The following MYBPH variants were observed in gnomAD, a reference collection of about 807,000 sequenced individuals.
MYBPH encodes myosin-binding protein H.
A neutral mutation model predicts 53.6 loss-of-function variants in MYBPH; 49 were observed. The ratio of observed to expected loss-of-function variants is 0.91; its 90% CI spans 0.73 to 1.16. The LOEUF (loss-of-function observed/expected upper bound fraction) is 1.16, where lower values mean the gene tolerates loss of function less well. Ranked by LOEUF, MYBPH falls within the 50% of genes most tolerant of loss-of-function variation. The probability of loss-of-function intolerance (pLI) is 0.00; values close to 1 mark genes in which losing one functional copy is unlikely to be tolerated. For synonymous variants in MYBPH, 239 were observed against 249.6 expected, an observed-to-expected ratio of 0.96 and a Z score of 0.40; for missense variants, 558 against 624.1, an observed-to-expected ratio of 0.89 and a Z score of 1.13.
At chr1:203,173,905 C>G (rs777801503) in intron 3 of MYBPH, among the ~76,000 whole-genome samples, 3 of 152,244 alleles carry the variant, frequency 2.0e-5, no homozygotes, top group Non-Finnish European at 4.4e-5. Flanking sequence ...AGCTGGCCTG[C>G]GGGGCCCCAG....
chr1:203,169,487 G>A lies in MYBPH; in HGVS notation c.1094-98C>T, dbSNP rs1655655550. The A allele has an allele frequency of 5.4e-6, 8 of 1,493,032 alleles. No homozygotes were observed. The East Asian group carries it at 9.9e-5, about 18-fold the overall frequency. The allele number at this position is 1,493,032 out of a possible 1,614,324, so 92.5% of individuals were successfully genotyped here. ...ATTCAAGATCTATGGATAGCAAGTC[G>A]TGGCTTATTTGCAGGAACTTGGACA... On this transcript the variant is annotated intron_variant, in intron 7 of 10. Transcript: ENST00000255416.
Position 203,171,486 on chromosome 1 carries a change from G to A in MYBPH, c.690C>T (p.Ile230=), listed in dbSNP as rs1258594939. The A allele has an allele frequency of 6.2e-7, 1 of 1,613,948 alleles. No individual in the cohort carries two copies. Among genetic ancestry groups the A allele is most frequent in the Non-Finnish European group, 8.5e-7 (1 of 1,180,028 alleles). ...VSMRTGDQDS[I]LFIRSAQRSD... ...AGCGCTGGGCCGAGCGAATGAAGAG[G>A]ATGGAGTCCTGGTCCCCGGTGCGCA... The change falls in exon 5 of 11, where the codon ATC becomes ATT. Residue 230 remains isoleucine, a synonymous_variant. Transcript: ENST00000255416. This position sits in a 1 kb window ranked among gnomAD's most constrained non-coding sequence, Gnocchi z 4.2.
intron 6 of MYBPH, 41 bp from the exon 7 acceptor site, chr1:203,170,491 C>T (rs1240972333): frequency 3.8e-6 from 6 of 1,598,636 alleles, no homozygotes; most frequent in African/African-American, 1.3e-5. Context: ...TCACCCCTGT[C>T]CTCACCCTCC....
chr1:203,177,815 G>A (rs749773264), upstream of MYBPH, among the ~76,000 whole-genome samples: 2 of 152,240 alleles, frequency 1.3e-5, no homozygotes, highest in Non-Finnish European at 2.9e-5. Flanking sequence ...GGCAGTGGCA[G>A]GGATTAGGGA....
At chr1:203,174,800 A>G (rs1159620479) in intron 2 of MYBPH, among the ~76,000 whole-genome samples, 1 of 152,096 alleles carries the variant, frequency 6.6e-6, no homozygotes, top group Non-Finnish European at 1.5e-5. Flanking sequence ...GCTAGAGATG[A>G]GGTTGTTGAA....
At chr1:203,177,157 G>A (rs1328198843), upstream of MYBPH, among the ~76,000 whole-genome samples, 1 of 152,144 alleles carries the variant, frequency 6.6e-6, no homozygotes, top group East Asian at 1.9e-4. Flanking sequence ...CCTTCTTCAA[G>A]GTACATCCGT....
At position 203,170,418 on chromosome 1, in the gene MYBPH, TGGGTGGTA is replaced by T; in HGVS notation, c.958_965del (p.Tyr320AsnfsTer7). ...TGAGGTCAGAGATGGTGCAGGTGGTTGGGTGGTAGCGCTCCAGCACTGTGAACCATTGC... is the reference window on the plus strand; with the variant it reads ...TGAGGTCAGAGATGGTGCAGGTGGTTGCGCTCCAGCACTGTGAACCATTGC... On this transcript the variant is annotated frameshift_variant, in exon 7 of 11. Transcript: ENST00000255416. LOFTEE classifies it high-confidence loss of function. 1 of 1,614,110 alleles carries T rather than the reference TGGGTGGTA, an allele frequency of 6.2e-7. No individual in the cohort carries two copies. Among genetic ancestry groups the T allele is most frequent in the Non-Finnish European group, 8.5e-7 (1 of 1,180,000 alleles).
chr1:203,174,430 CA>C lies in MYBPH; in HGVS notation c.507del (p.Ile169MetfsTer52). On this transcript the variant is annotated frameshift_variant and splice_region_variant, in exon 3 of 11. Transcript: ENST00000255416. LOFTEE classifies it high-confidence loss of function. ...LDQPIHIREN[I>X]EAPKIRVPRH... is the part of the protein sequence containing the mutation. ...AGCTGAAGGCCAGGATGGGCTTTAC[CA>C]ATGTTCTCTCGGATGTGGATGGGCT... 6.3e-7 allele frequency: 1 copy of C among 1,582,074 alleles called. No individual in the cohort carries two copies. The highest frequency in any genetic ancestry group is 1.3e-5 in the African/African-American group (1 of 74,340).
intron 3 of MYBPH, among the ~76,000 whole-genome samples, chr1:203,173,151 A>G (rs1655733242): frequency 6.6e-6 from 1 of 152,120 alleles, no homozygotes; most frequent in South Asian, 2.1e-4. Context: ...AGGAATTTGA[A>G]TGGAGAAGTG....
rs370235988 is a variant in MYBPH, at chr1:203,174,325, CG to C, written c.508+104del. The C allele has an allele frequency of 4.4e-4, 649 of 1,480,460 alleles. 6 individuals carry two copies. In the African/African-American group the frequency reaches 8.6e-3, roughly 20 times the overall value. 91.7% of individuals were successfully genotyped at this position (1,480,460 alleles called of 1,614,324 possible). On this transcript the variant is annotated intron_variant, in intron 3 of 10. Transcript: ENST00000255416. The stretch of plus-strand genomic sequence containing the variant: ...GTGGCTTGTGCATGTGAGCGTGGGA[CG>C]GGGGAAATGACTGCCTGGTTCCCTC...
intron 2 of MYBPH, 103 bp downstream of exon 2, chr1:203,175,224 G>A (rs1418172268): frequency 1.5e-6 from 2 of 1,363,142 alleles, no homozygotes; most frequent in Non-Finnish European, 1.9e-6. Flanking sequence ...CCCTCCTTCT[G>A]TATCTCTCCC....
At position 203,175,572 on chromosome 1, in the gene MYBPH, T is replaced by C; in HGVS notation, c.184A>G (p.Lys62Glu). 6.2e-7 allele frequency: 1 copy of C among 1,613,786 alleles called. No individual in the cohort carries two copies. ...TCACCTTCACTTGGGGGTGCAGGCT[T>C]AGTGGCTGTGGAGGCTGTAGGGGCC... is the stretch of plus-strand genomic sequence containing the variant. ...PQAPTASTATKPAPPSEDVPS... is the reference protein window; with the variant it reads ...PQAPTASTATEPAPPSEDVPS... The change falls in exon 1 of 11, where the codon AAG becomes GAG. Residue 62 changes from lysine to glutamate, a missense_variant. Lys to Glu is a moderately conservative substitution (Grantham distance 56, BLOSUM62 1). Coordinates refer to ENST00000255416, the MANE Select transcript of MYBPH (RefSeq NM_004997.3).
chr1:203,178,809 G>A (rs535982661), upstream of MYBPH: 1 of 152,350 alleles, frequency 6.6e-6, no homozygotes, highest in East Asian at 1.9e-4. Flanking sequence ...AGGACATGGC[G>A]GCCTCATCTC....
chr1:203,174,361 G>T lies in MYBPH; in HGVS notation c.508+69C>A. The T allele has an allele frequency of 2.7e-6, 4 of 1,496,710 alleles. No homozygotes were observed. The South Asian group carries it at 5.4e-5, about 20-fold the overall frequency. 92.7% of individuals were successfully genotyped at this position (1,496,710 alleles called of 1,614,324 possible). ...ACTGCCTGGTTCCCTCTACCTGCTG[G>T]CCTCAGTTTCTCCATTAGATAAGGT... On this transcript the variant is annotated intron_variant, in intron 3 of 10. Coordinates refer to ENST00000255416, the MANE Select transcript of MYBPH (RefSeq NM_004997.3).
Position 203,169,370 on chromosome 1 carries a change from T to C in MYBPH, c.1113A>G (p.Lys371=). The C allele has an allele frequency of 6.3e-7, 1 of 1,584,006 alleles. No homozygotes were observed. Among genetic ancestry groups the C allele is most frequent in the African/African-American group, 1.3e-5 (1 of 74,480 alleles). ...CTGAGAAGTCTCGCTCAATAAACCC[T>C]TTAGGTTTGGCAGCAATATCTGGGT... ...IQKADIAAKP[K]GFIERDFSEA... is the part of the protein sequence containing the mutation. The change falls in exon 8 of 11, where the codon AAA becomes AAG. Residue 371 remains lysine (K), a synonymous_variant. Transcript: ENST00000255416.
chr1:203,170,281 C>A lies in MYBPH; in HGVS notation c.1093+10G>T. 6.2e-7 allele frequency: 1 copy of A among 1,613,878 alleles called. No homozygotes were observed. On this transcript the variant is annotated intron_variant, in intron 7 of 10. Coordinates refer to ENST00000255416, the MANE Select transcript of MYBPH (RefSeq NM_004997.3). Reference sequence around the variant, plus strand: ...AGAGTTAGCACAGCCAGCTCCGGGCCCAAACCCACCTGCCTTCTGGATGTG... The same window carrying A: ...AGAGTTAGCACAGCCAGCTCCGGGCACAAACCCACCTGCCTTCTGGATGTG...
At chr1:203,176,332 G>A (rs970900830), upstream of MYBPH, among the ~76,000 whole-genome samples, 3 of 152,136 alleles carry the variant, frequency 2.0e-5, no homozygotes, top group Non-Finnish European at 4.4e-5. Flanking sequence ...TGAGGCTGAG[G>A]GCCCTAGAGA....
upstream of MYBPH, among the ~76,000 whole-genome samples, chr1:203,177,434 G>A (rs1314632721): frequency 1.3e-5 from 2 of 152,250 alleles, no homozygotes; most frequent in Non-Finnish European, 2.9e-5. Context: ...GCCCTCAGCA[G>A]CATGCATGCT....
intron 3 of MYBPH, among the ~76,000 whole-genome samples, chr1:203,172,650 C>G (rs1251361139): frequency 2.0e-5 from 3 of 152,204 alleles, no homozygotes; most frequent in Non-Finnish European, 4.4e-5. Flanking sequence ...AGTCTCAGAG[C>G]CGGGAAGTCC....
Sources: gnomAD v4.1 joint callset for allele counts (sites outside exome capture counted in the v4.1 genomes callset) on GRCh38, gnomAD v4.1.1 for gene constraint, Gnocchi (gnomAD v3.1) non-coding constraint, MANE v1.5 for transcripts, NCBI Gene and HGNC (gene_info 2026-07-23, HGNC 2026-07-21) for gene names.